DLX2: variants seen among roughly 807,000 people sequenced by gnomAD.
DLX2 encodes the protein homeobox protein DLX-2.
DLX2 carries 8 observed loss-of-function variants against 27.4 expected under a neutral mutation model. The ratio of observed to expected loss-of-function variants is 0.29; its 90% confidence interval spans 0.17 to 0.53. The LOEUF is 0.53. Ranked by LOEUF, DLX2 falls within the 20% of genes least tolerant of loss-of-function variation. The pLI, the probability that DLX2 is intolerant of heterozygous loss-of-function variation, is 0.96. For missense variants in DLX2, 421 were observed against 450.9 expected (o/e 0.93, Z 0.60); for synonymous variants, 210 against 200.8 (o/e 1.05, Z -0.39).
Position 172,101,065 on chromosome 2 carries a change from T to C in DLX2, c.586-121A>G, listed in dbSNP as rs533709819. On this transcript the variant is annotated intron_variant, in intron 2 of 2. Transcript: ENST00000234198. ...GGCTAGCGGTGGGCAGCGAGCGCCC[T>C]GGGGAGATAAGAGGATCACGGGCGG... 58 of 1,099,426 alleles carry C rather than the reference T, an allele frequency of 5.3e-5. No homozygotes were observed. In the African/African-American group the frequency reaches 8.8e-4, roughly 17 times the overall value. 68.1% of individuals were successfully genotyped at this position (1,099,426 alleles called of 1,614,324 possible).
At chr2:172,101,293 G>T (rs569013089) in intron 2 of DLX2, 169 bp downstream of exon 2, 6 of 796,574 alleles carry the variant, frequency 7.5e-6, no homozygotes, top group Non-Finnish European at 1.2e-5. Flanking sequence ...GGCCCCTTGG[G>T]GGTTTCCAGC....
At position 172,100,974 on chromosome 2, in the gene DLX2, G is replaced by T; in HGVS notation, c.586-30C>A. 6.2e-7 allele frequency: 1 copy of T among 1,601,262 alleles called. No homozygotes were observed. Among genetic ancestry groups the T allele is most frequent in the Non-Finnish European group, 8.5e-7 (1 of 1,174,452 alleles). On this transcript the variant is annotated intron_variant, in intron 2 of 2. Coordinates refer to ENST00000234198, the MANE Select transcript of DLX2 (RefSeq NM_004405.4). This position sits in a 1 kb window ranked among gnomAD's most constrained non-coding sequence, Gnocchi z 4.5. ...GAGGAAAAAGACCTGAGCATTAGTG[G>T]AGGAACCTAGTCTTGGGGCAGTAGG...
At chr2:172,101,200 G>A in intron 2 of DLX2, 1 of 613,082 alleles carries the variant, frequency 1.6e-6, no homozygotes, top group Non-Finnish European at 2.8e-6. Context: ...AGGGTGAGGA[G>A]GGCCAGTTAT....
Position 172,101,635 on chromosome 2 carries a change from G to A in DLX2, c.412C>T (p.Leu138Phe). Residue 138 changes from leucine to phenylalanine, a missense_variant, in exon 2 of 3, where the codon CTT (leucine) becomes TTT (phenylalanine). This residue lies in a region of DLX2 where 141 missense variants were observed against 123.5 expected (regional missense o/e 1.14). Transcript: ENST00000234198. ...PANNEPEKED[L>F]EPEIRIVNGK... is the part of the protein sequence containing the mutation. ...TTCACTATCCGAATTTCAGGCTCAA[G>A]GTCCTCCTTCTCTGCAACGATAAAG... The A allele has an allele frequency of 6.2e-7, 1 of 1,614,172 alleles. No individual in the cohort carries two copies. Among genetic ancestry groups the A allele is most frequent in the Non-Finnish European group, 8.5e-7 (1 of 1,180,020 alleles).
At position 172,100,515 on chromosome 2, in the gene DLX2, C is replaced by G. The variant is rs1691132272; in HGVS notation, c.*28G>C. On this transcript the variant is annotated 3_prime_UTR_variant, in exon 3 of 3. Transcript: ENST00000234198. This position sits in a 1 kb window ranked among gnomAD's most constrained non-coding sequence, Gnocchi z 4.5. ...GCAATGAGGATAAGTGGTCTCTGCT[C>G]TCAGTCTCTGGCGAGTTCTCCCTGG... 1.3e-6 allele frequency: 2 copies of G among 1,531,184 alleles called. No individual in the cohort carries two copies. Among genetic ancestry groups the G allele is most frequent in the Non-Finnish European group, 8.7e-7 (1 of 1,146,722 alleles). 94.8% of individuals were successfully genotyped at this position (1,531,184 alleles called of 1,614,324 possible). A position where few individuals can be genotyped will look rare whatever the true frequency, so the allele number is the denominator to read the frequency against.
In DLX2 at chr2:172,102,533, A is replaced by G. The variant is rs200328847; in HGVS notation, c.6T>C (p.Thr2=). Residue 2 remains threonine (T), a synonymous_variant, in exon 1 of 3, where the codon ACT becomes ACC. Transcript: ENST00000234198. ...CAGCCACTAGACTGTCAAAGACTCC[A>G]GTCATCCTGGCCCGAGACGGGAAAG... M[T]GVFDSLVADM... is the part of the protein sequence containing the mutation. 192 of 1,534,098 alleles carry G rather than the reference A, an allele frequency of 1.3e-4. No individual in the cohort carries two copies. The highest frequency in any genetic ancestry group is 1.1e-3 in the South Asian group (86 of 81,612).
At position 172,102,566 on chromosome 2, in the gene DLX2, G is replaced by GC; in HGVS notation, c.-29_-28insG. On this transcript the variant is annotated 5_prime_UTR_variant, in exon 1 of 3. Coordinates refer to ENST00000234198, the MANE Select transcript of DLX2 (RefSeq NM_004405.4). The stretch of plus-strand genomic sequence containing the variant: ...TGGCCCGAGACGGGAAAGAGCAGAG[G>GC]TGGCGGGCGTGCGGGGGAAGCCAGG... 6.7e-7 allele frequency: 1 copy of GC among 1,489,876 alleles called. No individual in the cohort carries two copies. Among genetic ancestry groups the GC allele is most frequent in the Non-Finnish European group, 8.9e-7 (1 of 1,120,764 alleles). 92.3% of individuals were successfully genotyped at this position (1,489,876 alleles called of 1,614,324 possible).
intron 1 of DLX2, 143 bp from the exon 2 acceptor site, chr2:172,101,789 G>A (rs772529121): frequency 2.0e-6 from 2 of 989,344 alleles, no homozygotes; most frequent in Admixed American, 2.7e-5. Context: ...GCGCAACTTC[G>A]CAGCGTGCGA....
In DLX2 at chr2:172,102,670, C is replaced by T; in HGVS notation, c.-132G>A. 2.1e-6 allele frequency: 2 copies of T among 938,900 alleles called. No homozygotes were observed. Among genetic ancestry groups the T allele is most frequent in the South Asian group, 3.6e-5 (2 of 55,888 alleles). The allele number at this position is 938,900 out of a possible 1,614,324, so 58.2% of individuals were successfully genotyped here. ...GGTGGTGGGGAAACAAGAAAGGAGGCAACCGTCTAGGCGCCTCCTCCTCCG... is the reference window on the plus strand; with the variant it reads ...GGTGGTGGGGAAACAAGAAAGGAGGTAACCGTCTAGGCGCCTCCTCCTCCG... On this transcript the variant is annotated 5_prime_UTR_variant, in exon 1 of 3. Coordinates refer to ENST00000234198, the MANE Select transcript of DLX2 (RefSeq NM_004405.4).
chr2:172,101,743 A>C (rs1691161623), intron 1 of DLX2, 97 bp from the exon 2 acceptor site: 77 of 1,337,522 alleles, frequency 5.8e-5, no homozygotes, highest in Non-Finnish European at 7.8e-5. Context: ...GCTTGAGCAA[A>C]GAGGTGGGTG....
At position 172,100,773 on chromosome 2, in the gene DLX2, C is replaced by T. The variant is rs775594803; in HGVS notation, c.757G>A (p.Gly253Ser). ...FGVPQRMAGG[G>S]GPGSGGSGAG... Reference sequence around the variant, plus strand: ...CCGCTGCCGCCACTGCCCGGACCACCGCCGCCCGCCATCCGCTGCGGCACA... The same window carrying T: ...CCGCTGCCGCCACTGCCCGGACCACTGCCGCCCGCCATCCGCTGCGGCACA... The change falls in exon 3 of 3, where the codon GGT (glycine) becomes AGT (serine). Residue 253 changes from glycine (G) to serine (S), a missense_variant. By Grantham distance (56) the Gly-to-Ser change is moderately conservative. Coordinates refer to ENST00000234198, the MANE Select transcript of DLX2 (RefSeq NM_004405.4). This position sits in a 1 kb window ranked among gnomAD's most constrained non-coding sequence, Gnocchi z 4.5. The T allele has an allele frequency of 2.0e-5, 31 of 1,579,766 alleles. No individual in the cohort carries two copies. In the Middle Eastern group the frequency reaches 5.4e-4, roughly 27 times the overall value.
In DLX2 at chr2:172,102,688, CT is replaced by C; in HGVS notation, c.-151del. On this transcript the variant is annotated 5_prime_UTR_variant, in exon 1 of 3. Transcript: ENST00000234198. Reference sequence around the variant, plus strand: ...AAGGAGGCAACCGTCTAGGCGCCTCCTCCTCCGGGGGAGGCGATCACCGTGC... The same window carrying C: ...AAGGAGGCAACCGTCTAGGCGCCTCCCCTCCGGGGGAGGCGATCACCGTGC... 33 of 749,240 alleles carry C rather than the reference CT, an allele frequency of 4.4e-5. No homozygotes were observed. The highest frequency in any genetic ancestry group is 6.1e-5 in the Non-Finnish European group (29 of 477,810). 46.4% of individuals were successfully genotyped at this position (749,240 alleles called of 1,614,324 possible).
chr2:172,100,450 C>T lies in DLX2; in HGVS notation c.*93G>A, dbSNP rs986413943. 2.4e-5 allele frequency: 33 copies of T among 1,369,198 alleles called. No individual in the cohort carries two copies. The highest frequency in any genetic ancestry group is 3.0e-5 in the Non-Finnish European group (31 of 1,029,152). 84.8% of individuals were successfully genotyped at this position (1,369,198 alleles called of 1,614,324 possible). On this transcript the variant is annotated 3_prime_UTR_variant, in exon 3 of 3. Transcript: ENST00000234198. This position sits in a 1 kb window ranked among gnomAD's most constrained non-coding sequence, Gnocchi z 4.5. ...CGCAGCCTGCAGGAGAGGTGGGTGG[C>T]GGCAGCGGGCCGGGAGGAGGGAACC...
Position 172,102,759 on chromosome 2 carries a change from T to G in DLX2, c.-221A>C. 1 of 267,780 alleles carries G rather than the reference T, an allele frequency of 3.7e-6. No homozygotes were observed. The highest frequency in any genetic ancestry group is 6.7e-6 in the Non-Finnish European group (1 of 148,450). 16.6% of individuals were successfully genotyped at this position (267,780 alleles called of 1,614,324 possible). On this transcript the variant is annotated 5_prime_UTR_variant, in exon 1 of 3. Coordinates refer to ENST00000234198, the MANE Select transcript of DLX2 (RefSeq NM_004405.4). Reference sequence around the variant, plus strand: ...TCTGGTCGCATCCTCTTTCGGCCTCTGGGCCCGCTCGGCTCCTTGCCCAGC... The same window carrying G: ...TCTGGTCGCATCCTCTTTCGGCCTCGGGGCCCGCTCGGCTCCTTGCCCAGC...
In DLX2 at chr2:172,100,627, G is replaced by A. The variant is rs527848560; in HGVS notation, c.903C>T (p.His301=). 7.7e-6 allele frequency: 12 copies of A among 1,567,062 alleles called. No individual in the cohort carries two copies. In the Middle Eastern group the frequency reaches 5.2e-4, roughly 69 times the overall value. ...SHLQATAPLL[H]PTQTPQPHHH... ...GATGCGGCTGCGGGGTCTGAGTGGGGTGCAGCAGCGGCGCCGTGGCCTGCA... is the reference window on the plus strand; with the variant it reads ...GATGCGGCTGCGGGGTCTGAGTGGGATGCAGCAGCGGCGCCGTGGCCTGCA... The change falls in exon 3 of 3, where the codon CAC becomes CAT. Residue 301 remains histidine (H), a synonymous_variant. Coordinates refer to ENST00000234198, the MANE Select transcript of DLX2 (RefSeq NM_004405.4). The surrounding 1 kb of genome is among the most constrained non-coding windows in gnomAD (Gnocchi z 4.5).
chr2:172,102,593 GCCT>G lies in DLX2; in HGVS notation c.-58_-56del. The G allele has an allele frequency of 6.9e-7, 1 of 1,450,790 alleles. No individual in the cohort carries two copies. Among genetic ancestry groups the G allele is most frequent in the Non-Finnish European group, 9.1e-7 (1 of 1,096,438 alleles). The allele number at this position is 1,450,790 out of a possible 1,614,324, so 89.9% of individuals were successfully genotyped here. A position where few individuals can be genotyped will look rare whatever the true frequency, so the allele number is the denominator to read the frequency against. ...GGCGGGCGTGCGGGGGAAGCCAGGC[GCCT>G]CCTCTGTCTCTCCCGGTCCCCTCCA... On this transcript the variant is annotated 5_prime_UTR_variant, in exon 1 of 3. Transcript: ENST00000234198.
At chr2:172,101,761 C>T (rs1030912793) in intron 1 of DLX2, 115 bp from the exon 2 acceptor site, 14 of 1,178,438 alleles carry the variant, frequency 1.2e-5, no homozygotes, top group South Asian at 7.5e-5. Context: ...GTGCACTGAA[C>T]TGTGGCGCCA....
intron 2 of DLX2, 154 bp from the exon 3 acceptor site, chr2:172,101,098 C>A: frequency 1.2e-6 from 1 of 802,664 alleles, no homozygotes; most frequent in Admixed American, 3.0e-5. Context: ...CGGCGGCCTT[C>A]GAGGCTCTGC....
chr2:172,101,041 G>C, intron 2 of DLX2, 97 bp from the exon 3 acceptor site: 2 of 1,373,464 alleles, frequency 1.5e-6, no homozygotes, highest in Admixed American at 2.2e-5. Context: ...AAAACCGCTG[G>C]CTAGCGGTGG....
Sources: gnomAD v4.1 joint callset for allele counts on GRCh38, gnomAD v4.1.1 for gene constraint, gnomAD v4.1.1 regional missense constraint, Gnocchi (gnomAD v3.1) non-coding constraint, MANE v1.5 for transcripts, NCBI Gene and HGNC (gene_info 2026-07-23, HGNC 2026-07-21) for gene names.